COL11A1: variants seen among roughly 807,000 people sequenced by gnomAD.
COL11A1 encodes collagen type XI alpha 1 chain.
In COL11A1, 74 loss-of-function variants were observed where a neutral mutation model predicts 265.2. The ratio of observed to expected loss-of-function variants is 0.28; its 90% CI spans 0.23 to 0.34. The LOEUF is 0.34. Among genes scored for constraint, COL11A1 ranks in the 10% least tolerant of loss-of-function variants. COL11A1 has a pLI of 1.00. For missense variants in COL11A1, 2,165 were observed against 2,263.6 expected (o/e 0.96, Z 0.88); for synonymous variants, 816 against 727.6 (o/e 1.12, Z -1.96).
At chr1:102,962,890 A>G in intron 38 of COL11A1, 130 bp from the exon 39 acceptor site, 1 of 786,432 alleles carries the variant, frequency 1.3e-6, no homozygotes, top group Non-Finnish European at 2.2e-6. Context: ...TGTCCTACAA[A>G]ACACTTCACA....
chr1:103,038,059 T>C (rs1035560392), intron 4 of COL11A1, among the ~76,000 whole-genome samples: 2 of 152,194 alleles, frequency 1.3e-5, no homozygotes, highest in Admixed American at 1.3e-4. Context: ...TCTTGATGAT[T>C]TGTTAAAAGC....
Position 103,091,364 on chromosome 1 carries a change from T to G in COL11A1, c.107-8392A>C, listed in dbSNP as rs561237549. ...ATTTGAAAAGATACAGAAGTTCATA[T>G]TTAAATGATGATGTCACACAAATAA... On this transcript the variant is annotated intron_variant, in intron 1 of 66. Transcript: ENST00000370096. Among the ~76,000 whole-genome samples the G allele has an allele frequency of 2.0e-5, 3 of 152,190 alleles. No individual in the cohort carries two copies. The East Asian group carries it at 5.8e-4, about 29-fold the overall frequency.
chr1:102,942,899 T>C (rs1658878503), intron 42 of COL11A1, among the ~76,000 whole-genome samples: 1 of 152,106 alleles, frequency 6.6e-6, no homozygotes, highest in Non-Finnish European at 1.5e-5. Context: ...CACAAAATAC[T>C]GTGATTATCT....
Position 102,952,256 on chromosome 1 carries a change from G to A in COL11A1, c.3169-5300C>T, listed in dbSNP as rs111360031. ...AGAGACTACAGGCACCCGCCACCAC[G>A]TCCAGGTAATTTTTGTATTTTTAGT... On this transcript the variant is annotated intron_variant, in intron 41 of 66. Coordinates refer to ENST00000370096, the MANE Select transcript of COL11A1 (RefSeq NM_001854.4). Among the ~76,000 whole-genome samples, 957 of 151,948 alleles carry A rather than the reference G, an allele frequency of 6.3e-3. 4 individuals are homozygous for A. The highest frequency in any genetic ancestry group is 0.034 in the Middle Eastern group (10 of 292).
At chr1:103,026,491 G>A (rs1027914110) in intron 5 of COL11A1, among the ~76,000 whole-genome samples, 159 bp from the exon 6 acceptor site, 2 of 152,106 alleles carry the variant, frequency 1.3e-5, no homozygotes, top group African/African-American at 4.8e-5. Context: ...GTATTATACT[G>A]TCTTATACAG....
intron 3 of COL11A1, among the ~76,000 whole-genome samples, chr1:103,077,370 G>C (rs1672055392): frequency 6.6e-6 from 1 of 151,212 alleles, no homozygotes; most frequent in Admixed American, 6.6e-5. Context: ...GGAAAAATAA[G>C]GTGTGAATAA....
intron 1 of COL11A1, 84 bp downstream of exon 1, chr1:103,107,989 G>T: frequency 1.1e-6 from 1 of 935,430 alleles, no homozygotes. Flanking sequence ...GAAGAGCGGG[G>T]AGGAAGGGTA....
intron 57 of COL11A1, among the ~76,000 whole-genome samples, chr1:102,896,725 G>A (rs545185680): frequency 1.3e-5 from 2 of 152,282 alleles, no homozygotes; most frequent in East Asian, 1.9e-4. Context: ...TGGTATGTCA[G>A]AAGGTTTTAT....
At chr1:103,002,022 CT>C in intron 23 of COL11A1, 53 bp from the exon 24 acceptor site, 1 of 1,474,182 alleles carries the variant, frequency 6.8e-7, no homozygotes, top group Non-Finnish European at 9.5e-7. Flanking sequence ...CAGTAATATG[CT>C]TTTAAAACAG....
At chr1:102,938,884 A>T in intron 44 of COL11A1, 151 bp downstream of exon 44, 1 of 662,184 alleles carries the variant, frequency 1.5e-6, no homozygotes, top group Non-Finnish European at 2.6e-6. Flanking sequence ...AATATATAAA[A>T]TTATAGAATG....
intron 4 of COL11A1, among the ~76,000 whole-genome samples, chr1:103,050,920 T>C (rs1016344066): frequency 5.3e-5 from 8 of 152,318 alleles, no homozygotes; most frequent in African/African-American, 4.8e-5. Flanking sequence ...ACAGTGGATA[T>C]TGGTGAACCA....
intron 31 of COL11A1, among the ~76,000 whole-genome samples, chr1:102,983,311 A>G (rs1254901247): frequency 1.3e-5 from 2 of 152,100 alleles, no homozygotes; most frequent in Non-Finnish European, 2.9e-5. Context: ...CTGAAAATTT[A>G]TATCCATATA....
intron 5 of COL11A1, among the ~76,000 whole-genome samples, chr1:103,030,643 G>A (rs1369882761): frequency 6.7e-6 from 1 of 149,764 alleles, no homozygotes; most frequent in South Asian, 2.1e-4. Context: ...TTTCCTATGA[G>A]AAAATTTTTT....
At chr1:102,992,263 T>C (rs1419890725) in intron 28 of COL11A1, among the ~76,000 whole-genome samples, 1 of 152,054 alleles carries the variant, frequency 6.6e-6, no homozygotes, top group Non-Finnish European at 1.5e-5. Context: ...ATTTCTAGTA[T>C]TAAAATTATC....
intron 4 of COL11A1, among the ~76,000 whole-genome samples, chr1:103,066,491 A>G (rs1002614198): frequency 1.3e-5 from 2 of 151,380 alleles, no homozygotes; most frequent in Admixed American, 6.6e-5. Context: ...ATAAAAAAAT[A>G]GCAAAAATCC....
At chr1:103,074,473 A>C in intron 4 of COL11A1, 145 bp downstream of exon 4, 1 of 823,506 alleles carries the variant, frequency 1.2e-6, no homozygotes, top group South Asian at 1.6e-5. Flanking sequence ...CATCACCACT[A>C]TACTCACAGA....
At chr1:103,008,206 T>A (rs2101867631) in intron 15 of COL11A1, among the ~76,000 whole-genome samples, 1 of 152,280 alleles carries the variant, frequency 6.6e-6, no homozygotes, top group East Asian at 1.9e-4. Flanking sequence ...TTTTACACGA[T>A]TCCCAGTTAA....
chr1:103,010,703 A>T (rs941462896), intron 14 of COL11A1, among the ~76,000 whole-genome samples: 20 of 144,708 alleles, frequency 1.4e-4, no homozygotes, highest in East Asian at 8.0e-4. Flanking sequence ...ATATTTGTAA[A>T]TTTTTTTTTT....
At chr1:102,986,057 A>G (rs968710947) in intron 30 of COL11A1, among the ~76,000 whole-genome samples, 2 of 152,070 alleles carry the variant, frequency 1.3e-5, no homozygotes, top group Non-Finnish European at 2.9e-5. Context: ...TAATACCTAT[A>G]TCATATATTT....
Sources: allele counts gnomAD v4.1 joint callset (sites outside exome capture counted in the v4.1 genomes callset), GRCh38; gene constraint gnomAD v4.1.1; transcripts MANE v1.5; gene names NCBI Gene and HGNC (gene_info 2026-07-23, HGNC 2026-07-21).